PRKG1: variants seen among roughly 807,000 people sequenced by gnomAD.
PRKG1 encodes the protein protein kinase cGMP-dependent 1.
A neutral mutation model predicts 88.1 loss-of-function variants in PRKG1; 35 were observed. The observed-to-expected ratio is 0.40, with a 90% confidence interval of 0.30 to 0.53. The LOEUF (loss-of-function observed/expected upper bound fraction) is 0.53. Ranked by LOEUF, PRKG1 falls within the 20% of genes least tolerant of loss-of-function variation. The pLI is 0.59. For synonymous variants in PRKG1, 303 were observed against 292.5 expected (o/e 1.04, Z -0.37); for missense variants, 540 against 839.8 (o/e 0.64, Z 4.41).
At chr10:52,175,143 T>C (rs1288419260) in intron 9 of PRKG1, among the ~76,000 whole-genome samples, 1 of 152,094 alleles carries the variant, frequency 6.6e-6, no homozygotes, top group Admixed American at 6.6e-5. Flanking sequence ...CATTTTCTCC[T>C]AATTTTTCCA....
At chr10:51,974,595 C>T (rs1289859950) in intron 5 of PRKG1, among the ~76,000 whole-genome samples, 8 of 152,080 alleles carry the variant, frequency 5.3e-5, no homozygotes, top group African/African-American at 1.9e-4. Context: ...TTCATATGTC[C>T]ATATGCTTAT....
chr10:51,850,876 AG>A (rs1179793457), intron 4 of PRKG1, among the ~76,000 whole-genome samples: 1 of 152,174 alleles, frequency 6.6e-6, no homozygotes. Context: ...CATGCGTTTT[AG>A]ATGTAAGTAA....
intron 7 of PRKG1, among the ~76,000 whole-genome samples, chr10:52,104,676 A>G (rs1847373532): frequency 6.6e-6 from 1 of 152,208 alleles, no homozygotes; most frequent in African/African-American, 2.4e-5. Flanking sequence ...CTGAAATCCT[A>G]AAAGATTTTC....
At chr10:51,492,168 C>T (rs930287564) in intron 3 of PRKG1, among the ~76,000 whole-genome samples, 8 of 152,144 alleles carry the variant, frequency 5.3e-5, no homozygotes, top group African/African-American at 1.9e-4. Context: ...TAAATGCTGG[C>T]TCTAAGGTAG....
At chr10:52,243,868 G>A (rs1254212414) in intron 9 of PRKG1, among the ~76,000 whole-genome samples, 3 of 152,022 alleles carry the variant, frequency 2.0e-5, no homozygotes, top group African/African-American at 7.2e-5. Context: ...ATTCCCGTTG[G>A]CTATAGCTCC....
chr10:51,052,536 T>C (rs1041326843), intron 1 of PRKG1, among the ~76,000 whole-genome samples: 2 of 152,214 alleles, frequency 1.3e-5, no homozygotes, highest in African/African-American at 2.4e-5. Context: ...AGAATGCAAA[T>C]ATATCTCTTT....
At chr10:51,196,010 T>C (rs532009004) in intron 2 of PRKG1, among the ~76,000 whole-genome samples, 39 of 152,136 alleles carry the variant, frequency 2.6e-4, no homozygotes, top group Non-Finnish European at 5.3e-4. Flanking sequence ...TTCAATCTTG[T>C]AAATTCTAAG....
intron 3 of PRKG1, among the ~76,000 whole-genome samples, chr10:51,634,840 C>T (rs997986573): frequency 6.6e-6 from 1 of 152,000 alleles, no homozygotes; most frequent in African/African-American, 2.4e-5. Flanking sequence ...AATTCAGGAA[C>T]AGAAAATGAA....
chr10:51,148,385 C>T (rs1029837025), intron 1 of PRKG1: 1 of 456,520 alleles, frequency 2.2e-6, no homozygotes, highest in Non-Finnish European at 2.9e-6. Context: ...AAGATTTGTG[C>T]TACATTTTCA....
rs140791009 is a variant in PRKG1, at chr10:52,109,505, G to T, written c.936-24335G>T. Among the ~76,000 whole-genome samples the T allele has an allele frequency of 3.6e-3, 546 of 152,264 alleles. 4 individuals are homozygous for T. The highest frequency in any genetic ancestry group is 0.012 in the African/African-American group (509 of 41,560). On this transcript the variant is annotated intron_variant, in intron 7 of 17. Coordinates refer to ENST00000373980, the MANE Select transcript of PRKG1 (RefSeq NM_006258.4). ...TGTTTGGCTGGGCGTGGTGGCTCAC[G>T]CCTGTAATCCCAACACTTCGGGAGG...
At chr10:51,154,127 G>A (rs1438852769) in intron 2 of PRKG1, among the ~76,000 whole-genome samples, 2 of 151,998 alleles carry the variant, frequency 1.3e-5, no homozygotes, top group African/African-American at 4.8e-5. Flanking sequence ...ACATTTGTGT[G>A]ATAGTGTCCT....
rs531363334 is a variant in PRKG1, at chr10:52,102,569, TGAAA to T, written c.936-31268_936-31265del. Among the ~76,000 whole-genome samples the T allele has an allele frequency of 6.7e-5, 9 of 134,984 alleles. No individual in the cohort carries two copies. The South Asian group carries it at 2.0e-3, about 29-fold the overall frequency. The allele number at this position is 134,984 out of a possible 152,430, so 88.6% of individuals were successfully genotyped here. A position where few individuals can be genotyped will look rare whatever the true frequency, so the allele number is the denominator to read the frequency against. On this transcript the variant is annotated intron_variant, in intron 7 of 17. Transcript: ENST00000373980. ...GTGACTGAGCCAATCACGAAAATCA[TGAAA>T]GAGACTGTGGATATGGCAAAAAAAA...
intron 2 of PRKG1, among the ~76,000 whole-genome samples, chr10:51,196,599 C>A (rs1837773978): frequency 6.6e-6 from 1 of 152,000 alleles, no homozygotes. Context: ...CTTGAAAATG[C>A]CTTAAGTTTG....
intron 5 of PRKG1, among the ~76,000 whole-genome samples, chr10:52,024,236 A>G (rs1845266564): frequency 6.6e-6 from 1 of 152,176 alleles, no homozygotes. Context: ...ATTCAGTGCC[A>G]TCAAGCTACC....
At chr10:51,755,967 C>G (rs1837849051) in intron 3 of PRKG1, among the ~76,000 whole-genome samples, 1 of 152,304 alleles carries the variant, frequency 6.6e-6, no homozygotes, top group Non-Finnish European at 1.5e-5. Context: ...TTCTTCCTTT[C>G]TTTTGCATTT....
At chr10:51,303,125 C>T (rs1840936848) in intron 2 of PRKG1, among the ~76,000 whole-genome samples, 1 of 152,056 alleles carries the variant, frequency 6.6e-6, no homozygotes. Flanking sequence ...CAAGAATATA[C>T]CCAGAGAAAG....
chr10:52,016,347 C>G (rs1845039950), intron 5 of PRKG1, among the ~76,000 whole-genome samples: 1 of 152,124 alleles, frequency 6.6e-6, no homozygotes, highest in Non-Finnish European at 1.5e-5. Flanking sequence ...ATCTGCCAAA[C>G]AGTTTTAAAC....
chr10:51,214,702 C>T (rs149470840), intron 2 of PRKG1, among the ~76,000 whole-genome samples: 1,533 of 152,060 alleles, frequency 0.01, 16 homozygotes, highest in Non-Finnish European at 0.014. Context: ...GATCTCAAAC[C>T]GCTGAGCTCA....
At chr10:51,588,331 CTT>C (rs1838224063) in intron 3 of PRKG1, among the ~76,000 whole-genome samples, 1 of 149,090 alleles carries the variant, frequency 6.7e-6, no homozygotes. Flanking sequence ...CACCTAAAAT[CTT>C]TTATCTAGAA....
Sources: gnomAD v4.1 joint callset for allele counts (sites outside exome capture counted in the v4.1 genomes callset) on GRCh38, gnomAD v4.1.1 for gene constraint, MANE v1.5 for transcripts, NCBI Gene and HGNC (gene_info 2026-07-23, HGNC 2026-07-21) for gene names.